The following FLI1 variants were observed in gnomAD, a reference collection of about 807,000 sequenced individuals.
The protein encoded by FLI1 is Friend leukemia integration 1 transcription factor.
Under a neutral mutation model 53.1 loss-of-function variants are expected in FLI1, and 13 were observed. The ratio of observed to expected loss-of-function variants is 0.24; its 90% CI spans 0.16 to 0.39. The LOEUF (loss-of-function observed/expected upper bound fraction) is 0.39, where lower values mean the gene tolerates loss of function less well. Ranked by LOEUF, FLI1 falls within the 10% of genes least tolerant of loss-of-function variation. FLI1 has a pLI of 1.00. For missense variants in FLI1, 424 were observed against 600.5 expected (o/e 0.71, Z 3.07); for synonymous variants, 244 against 236.7 (o/e 1.03, Z -0.28).
At chr11:128,766,316 C>T (rs1321205484) in intron 2 of FLI1, among the ~76,000 whole-genome samples, 1 of 152,170 alleles carries the variant, frequency 6.6e-6, no homozygotes, top group Non-Finnish European at 1.5e-5. Context: ...GCCATGGGGA[C>T]GTTAAACCTT....
intron 1 of FLI1, among the ~76,000 whole-genome samples, chr11:128,696,682 G>C (rs139933294): frequency 9.2e-5 from 14 of 152,324 alleles, no homozygotes; most frequent in South Asian, 2.1e-4. Flanking sequence ...ACTCTAGAGA[G>C]AATCTAATTT....
At chr11:128,693,914 G>C, upstream of FLI1, 1 of 275,026 alleles carries the variant, frequency 3.6e-6, no homozygotes, top group Non-Finnish European at 6.9e-6. Flanking sequence ...AGAGCAGAGG[G>C]GAGAGAAGAG....
At chr11:128,713,053 G>T (rs1938856090) in intron 1 of FLI1, among the ~76,000 whole-genome samples, 1 of 152,140 alleles carries the variant, frequency 6.6e-6, no homozygotes. Flanking sequence ...TCATTGCGAA[G>T]GTCAATCCTG....
At chr11:128,692,099 T>C (rs1937763205), upstream of FLI1, 1 of 152,040 alleles carries the variant, frequency 6.6e-6, no homozygotes, top group Non-Finnish European at 1.5e-5. Flanking sequence ...TCTGTTGTAG[T>C]TTGAAGGTCG....
chr11:128,746,721 C>T (rs543164265), intron 1 of FLI1, among the ~76,000 whole-genome samples: 1 of 152,190 alleles, frequency 6.6e-6, no homozygotes, highest in East Asian at 1.9e-4. Context: ...GCAGTCACTC[C>T]CCACGGAAGC....
In FLI1 at chr11:128,780,425, G is replaced by A. The variant is rs538445618; in HGVS notation, c.590-1533G>A. Reference sequence around the variant, plus strand: ...AGCCTGACCAACATGGAGAAACCCCGTCTCTACTAAAAATACAAAATTAGC... The same window carrying A: ...AGCCTGACCAACATGGAGAAACCCCATCTCTACTAAAAATACAAAATTAGC... On this transcript the variant is annotated intron_variant, in intron 4 of 8. Transcript: ENST00000527786. Among the ~76,000 whole-genome samples the A allele has an allele frequency of 5.9e-5, 9 of 152,264 alleles. No homozygotes were observed. In the South Asian group the frequency reaches 1.2e-3, roughly 21 times the overall value.
chr11:128,746,161 T>A (rs1591774775), intron 1 of FLI1, among the ~76,000 whole-genome samples: 1 of 152,124 alleles, frequency 6.6e-6, no homozygotes, highest in Admixed American at 6.5e-5. Context: ...GCATTTCCCA[T>A]CGGGCGCTGA....
In FLI1 at chr11:128,794,110, C is replaced by G. The variant is rs369120625; in HGVS notation, c.656-11256C>G. Among the ~76,000 whole-genome samples the G allele has an allele frequency of 1.9e-4, 29 of 152,230 alleles. 1 individual carries two copies. In the East Asian group the frequency reaches 2.9e-3, roughly 15 times the overall value. ...ATCTCTACCAAGTTTCCCCTTGACA[C>G]TACACGCTCATCCCACTCCAGACGA... On this transcript the variant is annotated intron_variant, in intron 5 of 8. Coordinates refer to ENST00000527786, the MANE Select transcript of FLI1 (RefSeq NM_002017.5).
exon 1 of FLI1, chr11:128,686,539 T>G (rs1865806712): frequency 2.2e-6 from 1 of 451,670 alleles, no homozygotes; most frequent in Admixed American, 2.4e-5. Flanking sequence ...ACCCCTACAG[T>G]CTCTCCATCT....
At chr11:128,727,383 C>T (rs376229240) in intron 1 of FLI1, among the ~76,000 whole-genome samples, 14 of 152,346 alleles carry the variant, frequency 9.2e-5, no homozygotes, top group African/African-American at 2.9e-4. Flanking sequence ...AGAAAACCAG[C>T]GATAGCAAGC....
chr11:128,788,125 C>T lies in FLI1; in HGVS notation c.655+6102C>T, dbSNP rs113635680. ...TTGAGGGTTTACCAGATGTTAACAC[C>T]GTACCAAGGGTCGTGAAGGATACTA... On this transcript the variant is annotated intron_variant, in intron 5 of 8. Transcript: ENST00000527786. Among the ~76,000 whole-genome samples the T allele has an allele frequency of 5.8e-3, 885 of 152,088 alleles. 5 individuals are homozygous for T. The highest frequency in any genetic ancestry group is 0.02 in the African/African-American group (819 of 41,466).
At chr11:128,734,021 C>T (rs758085304) in intron 1 of FLI1, among the ~76,000 whole-genome samples, 2 of 152,190 alleles carry the variant, frequency 1.3e-5, no homozygotes, top group South Asian at 2.1e-4. Context: ...GTACTGCTAC[C>T]TGTGCAATGG....
At chr11:128,752,016 C>T (rs1258049762) in intron 1 of FLI1, among the ~76,000 whole-genome samples, 1 of 151,844 alleles carries the variant, frequency 6.6e-6, no homozygotes, top group Non-Finnish European at 1.5e-5. Flanking sequence ...CACTCTATTG[C>T]CCAAGCCAGA....
In FLI1 at chr11:128,723,133, C is replaced by T. The variant is rs1939325475; in HGVS notation, c.18+28857C>T. Among the ~76,000 whole-genome samples, 6 of 152,180 alleles carry T rather than the reference C, an allele frequency of 3.9e-5. No individual in the cohort carries two copies. The South Asian group carries it at 1.2e-3, about 31-fold the overall frequency. ...TCCACCTCCACGATCAAATCACCCC[C>T]TGAAGATCCCACCTCCTATACCATC... On this transcript the variant is annotated intron_variant, in intron 1 of 8. Transcript: ENST00000527786.
intron 1 of FLI1, among the ~76,000 whole-genome samples, chr11:128,755,519 G>C (rs1940825347): frequency 6.6e-6 from 1 of 152,220 alleles, no homozygotes; most frequent in Non-Finnish European, 1.5e-5. Flanking sequence ...GTCAGGGACA[G>C]CTGTCTGAAA....
intron 5 of FLI1, among the ~76,000 whole-genome samples, chr11:128,802,428 A>G (rs926411787): frequency 2.0e-5 from 3 of 152,310 alleles, no homozygotes; most frequent in African/African-American, 4.8e-5. Flanking sequence ...AATGAGAGGG[A>G]GGCCTGTGGT....
chr11:128,790,289 G>A (rs945561022), intron 5 of FLI1, among the ~76,000 whole-genome samples: 1 of 149,866 alleles, frequency 6.7e-6, no homozygotes, highest in Non-Finnish European at 1.5e-5. Context: ...GATTAAGAGA[G>A]AGAGAGACAG....
At chr11:128,685,930 C>A (rs1865794446), upstream of FLI1, 1 of 159,758 alleles carries the variant, frequency 6.3e-6, no homozygotes, top group African/African-American at 2.4e-5. Flanking sequence ...GGCTTTTGCG[C>A]CTTCCAGCCC....
chr11:128,754,185 G>A (rs1447524160), intron 1 of FLI1, among the ~76,000 whole-genome samples: 2 of 151,128 alleles, frequency 1.3e-5, no homozygotes, highest in African/African-American at 4.9e-5. Flanking sequence ...TCTCTACATT[G>A]TAATGGAAAA....
Sources: allele counts gnomAD v4.1 joint callset (sites outside exome capture counted in the v4.1 genomes callset), GRCh38; gene constraint gnomAD v4.1.1; transcripts MANE v1.5; gene names NCBI Gene and HGNC (gene_info 2026-07-23, HGNC 2026-07-21).